The following SPOCK3 variants were observed in gnomAD, a reference collection of about 807,000 sequenced individuals.
SPOCK3 encodes the protein SPARC (osteonectin), cwcv and kazal like domains proteoglycan 3.
SPOCK3 carries 30 observed loss-of-function variants against 56.6 expected under a neutral mutation model. That is an observed-to-expected ratio of 0.53 (90% CI 0.40 to 0.72). The LOEUF is 0.72. Among genes scored for constraint, SPOCK3 ranks in the 30% least tolerant of loss-of-function variants. The pLI is 0.00. For missense variants in SPOCK3, 527 were observed against 530.0 expected (o/e 0.99, Z 0.06); for synonymous variants, 196 against 183.3 (o/e 1.07, Z -0.56).
At chr4:166,789,546 G>A (rs778427784) in intron 7 of SPOCK3, among the ~76,000 whole-genome samples, 1 of 152,056 alleles carries the variant, frequency 6.6e-6, no homozygotes, top group Non-Finnish European at 1.5e-5. Context: ...ACACTTAAAT[G>A]AATATAATAA....
rs534102682 is a variant in SPOCK3, at chr4:166,893,024, A to G, written c.475-3780T>C. ...TGGGGATAATTTCACTCCCCCCTCA[A>G]ATGTCAAAATTGACATTTGAGACAA... is the stretch of plus-strand genomic sequence containing the variant. On this transcript the variant is annotated intron_variant, in intron 5 of 10. Coordinates refer to ENST00000357545, the MANE Select transcript of SPOCK3 (RefSeq NM_001040159.2). Among the ~76,000 whole-genome samples the G allele has an allele frequency of 2.0e-5, 3 of 152,150 alleles. No homozygotes were observed. The East Asian group carries it at 5.8e-4, about 29-fold the overall frequency.
chr4:166,866,570 T>G (rs1731865259), intron 6 of SPOCK3, among the ~76,000 whole-genome samples: 1 of 151,938 alleles, frequency 6.6e-6, no homozygotes. Flanking sequence ...ACAAGGAACT[T>G]AAACAAATTT....
chr4:166,780,796 G>A (rs1326036668), intron 7 of SPOCK3, among the ~76,000 whole-genome samples: 1 of 152,138 alleles, frequency 6.6e-6, no homozygotes, highest in African/African-American at 2.4e-5. Flanking sequence ...CACTACCAGA[G>A]CAGCAAATGT....
chr4:166,987,914 A>G (rs1489865139), intron 4 of SPOCK3, among the ~76,000 whole-genome samples: 1 of 152,166 alleles, frequency 6.6e-6, no homozygotes, highest in Non-Finnish European at 1.5e-5. Context: ...CTCAATATGA[A>G]TTAGAAGGAA....
chr4:166,917,442 G>A (rs954182211), intron 4 of SPOCK3, among the ~76,000 whole-genome samples: 15 of 151,994 alleles, frequency 9.9e-5, no homozygotes, highest in East Asian at 1.9e-4. Context: ...GGATTATGAC[G>A]TAAAAAACCT....
chr4:167,047,996 G>GCCAAGAT (rs1354667230), intron 3 of SPOCK3, among the ~76,000 whole-genome samples: 1 of 152,118 alleles, frequency 6.6e-6, no homozygotes, highest in African/African-American at 2.4e-5. Context: ...ATTGCAGTGA[G>GCCAAGAT]CCAAGATCGT....
At chr4:166,752,222 A>G (rs991018328) in intron 8 of SPOCK3, among the ~76,000 whole-genome samples, 2 of 151,878 alleles carry the variant, frequency 1.3e-5, no homozygotes, top group African/African-American at 4.8e-5. Context: ...ACAGGATCTC[A>G]CCACATTGCC....
At chr4:166,792,353 C>T (rs1741451794) in intron 6 of SPOCK3, 64 bp from the exon 7 acceptor site, 1 of 1,552,672 alleles carries the variant, frequency 6.4e-7, no homozygotes, top group Non-Finnish European at 8.8e-7. Flanking sequence ...TGCTATTTCT[C>T]TCATTAGTCC....
chr4:166,942,820 A>C (rs2150019041), intron 4 of SPOCK3, among the ~76,000 whole-genome samples: 1 of 152,346 alleles, frequency 6.6e-6, no homozygotes, highest in Non-Finnish European at 1.5e-5. Flanking sequence ...TCTTATAAAA[A>C]GTCTATTAAG....
chr4:167,062,517 C>A lies in SPOCK3; in HGVS notation c.210G>T (p.Trp70Cys). 6.2e-7 allele frequency: 1 copy of A among 1,606,856 alleles called. No individual in the cohort carries two copies. Among genetic ancestry groups the A allele is most frequent in the Non-Finnish European group, 8.5e-7 (1 of 1,174,852 alleles). ...CCTGATCGAAGGGTTTTCCTGGACT[C>A]CAAGTGCGGAAATAATCATCCTAAG... ...KFRDDDYFRT[W>C]SPGKPFDQAL... Residue 70 changes from tryptophan (W) to cysteine (C), a missense_variant, in exon 3 of 11, where the codon TGG becomes TGT. Trp to Cys is a radical substitution (Grantham distance 215). Coordinates refer to ENST00000357545, the MANE Select transcript of SPOCK3 (RefSeq NM_001040159.2).
At chr4:166,751,662 T>C (rs532065876) in intron 8 of SPOCK3, among the ~76,000 whole-genome samples, 6 of 152,134 alleles carry the variant, frequency 3.9e-5, no homozygotes, top group Non-Finnish European at 7.4e-5. Context: ...AAAGACTAGG[T>C]GGAGCTGAAT....
chr4:167,164,282 C>T (rs1561282802), intron 2 of SPOCK3, among the ~76,000 whole-genome samples: 2 of 151,946 alleles, frequency 1.3e-5, no homozygotes, highest in Admixed American at 1.3e-4. Flanking sequence ...ATACCATAAT[C>T]ATGTGAGGTT....
intron 6 of SPOCK3, among the ~76,000 whole-genome samples, chr4:166,816,871 G>A (rs1199307545): frequency 6.6e-6 from 1 of 151,978 alleles, no homozygotes; most frequent in East Asian, 1.9e-4. Context: ...GAGGTCGAGG[G>A]CCCAGTGCAA....
At chr4:166,940,885 A>G (rs1157234382) in intron 4 of SPOCK3, among the ~76,000 whole-genome samples, 1 of 149,090 alleles carries the variant, frequency 6.7e-6, no homozygotes, top group Admixed American at 6.7e-5. Flanking sequence ...CTGTTAAGGA[A>G]GTTTCCCGAG....
chr4:166,869,630 G>GTGTA (rs1236829599), intron 6 of SPOCK3, among the ~76,000 whole-genome samples: 1 of 151,638 alleles, frequency 6.6e-6, no homozygotes, highest in African/African-American at 2.4e-5. Context: ...GTGTGTGTGT[G>GTGTA]TGTGTGTGTG....
At chr4:166,950,049 A>C (rs1212171640) in intron 4 of SPOCK3, among the ~76,000 whole-genome samples, 2 of 151,032 alleles carry the variant, frequency 1.3e-5, no homozygotes, top group African/African-American at 2.5e-5. Context: ...ATAACCAGCT[A>C]ACTTCATAAT....
chr4:167,099,535 C>A (rs915011378), intron 2 of SPOCK3, among the ~76,000 whole-genome samples: 1 of 152,100 alleles, frequency 6.6e-6, no homozygotes. Flanking sequence ...ATTTGACACA[C>A]AAATTTCTGT....
intron 4 of SPOCK3, among the ~76,000 whole-genome samples, chr4:166,914,738 C>A (rs1343932488): frequency 1.3e-5 from 2 of 152,108 alleles, no homozygotes; most frequent in Non-Finnish European, 2.9e-5. Flanking sequence ...CCACTGCACT[C>A]CAGTCTGAGC....
At chr4:167,055,780 G>C (rs1754754292) in intron 3 of SPOCK3, among the ~76,000 whole-genome samples, 1 of 152,290 alleles carries the variant, frequency 6.6e-6, no homozygotes, top group East Asian at 1.9e-4. Flanking sequence ...GGCTTGCTTA[G>C]ATAAACAAAG....
Sources: allele counts gnomAD v4.1 joint callset (sites outside exome capture counted in the v4.1 genomes callset), GRCh38; gene constraint gnomAD v4.1.1; transcripts MANE v1.5; gene names NCBI Gene and HGNC (gene_info 2026-07-23, HGNC 2026-07-21).